ANGPTL1: variants seen among roughly 807,000 people sequenced by gnomAD.
ANGPTL1 encodes the protein angiopoietin like 1, also known as angiopoietin-related protein 1.
ANGPTL1 carries 36 observed loss-of-function variants against 46.7 expected under a neutral mutation model. That is an observed-to-expected ratio of 0.77 (90% CI 0.59 to 1.02). ANGPTL1 has a LOEUF of 1.02. Among genes scored for constraint, ANGPTL1 ranks in the 50% least tolerant of loss-of-function variants. The pLI is 0.00. For missense variants in ANGPTL1, 571 were observed against 594.7 expected (o/e 0.96, Z 0.41); for synonymous variants, 221 against 204.3 (o/e 1.08, Z -0.69).
intron 3 of ANGPTL1, among the ~76,000 whole-genome samples, chr1:178,862,828 G>T (rs1255351731): frequency 6.6e-6 from 1 of 152,074 alleles, no homozygotes; most frequent in African/African-American, 2.4e-5. Flanking sequence ...TAAGCAAATT[G>T]GACTTTTTCT....
intron 2 of ANGPTL1, among the ~76,000 whole-genome samples, 188 bp downstream of exon 2, chr1:178,868,926 A>G (rs1442620455): frequency 1.3e-5 from 2 of 152,054 alleles, no homozygotes; most frequent in South Asian, 2.1e-4. Flanking sequence ...AGGAGTAAAG[A>G]ACTGGTTTTA....
At chr1:178,856,491 G>A (rs1572409647) in intron 3 of ANGPTL1, among the ~76,000 whole-genome samples, 1 of 134,956 alleles carries the variant, frequency 7.4e-6, no homozygotes, top group East Asian at 2.2e-4. Flanking sequence ...GTGAACTCCA[G>A]GTCTCAAGTC....
At chr1:178,860,878 G>C (rs144932007) in intron 3 of ANGPTL1, among the ~76,000 whole-genome samples, 483 of 152,236 alleles carry the variant, frequency 3.2e-3, no homozygotes, top group African/African-American at 0.01. Flanking sequence ...TTTTGTGCAA[G>C]CACCTAAACA....
chr1:178,863,877 G>A (rs1374815864), intron 3 of ANGPTL1, among the ~76,000 whole-genome samples: 1 of 152,176 alleles, frequency 6.6e-6, no homozygotes, highest in African/African-American at 2.4e-5. Context: ...ACCACTTCAT[G>A]ATATATTTCT....
intron 5 of ANGPTL1, among the ~76,000 whole-genome samples, chr1:178,852,334 G>A (rs1657226358): frequency 6.6e-6 from 1 of 152,148 alleles, no homozygotes; most frequent in Non-Finnish European, 1.5e-5. Context: ...CGGGAACTTT[G>A]TTCACTGTTA....
chr1:178,853,782 A>G lies in ANGPTL1; in HGVS notation c.829T>C (p.Phe277Leu), dbSNP rs1288665789. ...PPVTFINEGP[F>L]KDCQQAKEAG... ...TCTTTTGCTTGCTGACAGTCTTTGA[A>G]TGGTCCTATAATTTAAATATCATTT... Residue 277 changes from phenylalanine to leucine, a missense_variant, in exon 4 of 6, where the codon TTC becomes CTC. By Grantham distance (22) the Phe-to-Leu change is conservative. Transcript: ENST00000234816. 4 of 1,597,492 alleles carry G rather than the reference A, an allele frequency of 2.5e-6. No homozygotes were observed. Among genetic ancestry groups the G allele is most frequent in the East Asian group, 2.3e-5 (1 of 44,278 alleles).
intron 1 of ANGPTL1, among the ~76,000 whole-genome samples, chr1:178,870,257 T>C (rs1658669391): frequency 6.6e-6 from 1 of 152,168 alleles, no homozygotes; most frequent in Non-Finnish European, 1.5e-5. Flanking sequence ...TTTCAACTAT[T>C]TTTGTATCTT....
intron 3 of ANGPTL1, among the ~76,000 whole-genome samples, chr1:178,856,408 T>TGTTGTTG (rs1183561834): frequency 9.4e-6 from 1 of 106,530 alleles, no homozygotes; most frequent in African/African-American, 4.1e-5. Context: ...TTTTTTTTTT[T>TGTTGTTG]TTTTTTTTTT....
At position 178,865,393 on chromosome 1, in the gene ANGPTL1, A is replaced by G; in HGVS notation, c.384T>C (p.Ser128=). 6.2e-7 allele frequency: 1 copy of G among 1,614,092 alleles called. No individual in the cohort carries two copies. Among genetic ancestry groups the G allele is most frequent in the Non-Finnish European group, 8.5e-7 (1 of 1,180,004 alleles). Residue 128 remains serine (S), a synonymous_variant, in exon 3 of 6, where the codon TCT becomes TCC. Coordinates refer to ENST00000234816, the MANE Select transcript of ANGPTL1 (RefSeq NM_004673.4). ...ATTGCATATAGAGTTGAGTAACACG[A>G]GAGTTCATGTTACGGCTTTCCTTTC... ...LLRKESRNMN[S]RVTQLYMQLL...
At chr1:178,869,555 A>G (rs2102347781) in intron 1 of ANGPTL1, among the ~76,000 whole-genome samples, 1 of 152,226 alleles carries the variant, frequency 6.6e-6, no homozygotes, top group East Asian at 1.9e-4. Flanking sequence ...AGCATGCAAC[A>G]ACAAAAAAGA....
At chr1:178,859,079 G>A (rs530495052) in intron 3 of ANGPTL1, among the ~76,000 whole-genome samples, 1 of 152,204 alleles carries the variant, frequency 6.6e-6, no homozygotes, top group East Asian at 1.9e-4. Flanking sequence ...GGGTCTTTCT[G>A]TAATAATATG....
At chr1:178,867,760 C>T (rs1047081614) in intron 2 of ANGPTL1, among the ~76,000 whole-genome samples, 1 of 151,624 alleles carries the variant, frequency 6.6e-6, no homozygotes, top group Admixed American at 6.6e-5. Flanking sequence ...AATTTCTTTC[C>T]TTCTGTATGT....
At chr1:178,853,903 A>T in intron 3 of ANGPTL1, 116 bp from the exon 4 acceptor site, 1 of 607,424 alleles carries the variant, frequency 1.6e-6, no homozygotes, top group Non-Finnish European at 2.6e-6. Flanking sequence ...ATTGTTTATC[A>T]TATATACAAT....
intron 2 of ANGPTL1, among the ~76,000 whole-genome samples, chr1:178,868,595 C>T (rs541297664): frequency 6.6e-6 from 1 of 151,826 alleles, no homozygotes; most frequent in Non-Finnish European, 1.5e-5. Flanking sequence ...GCGCATCATC[C>T]AAGACTGCTG....
In ANGPTL1 at chr1:178,851,315, TC is replaced by T. The variant is rs1657160313; in HGVS notation, c.1289del (p.Gly430GlufsTer21). ...TLDRDKDMYAGNCAHFHKGGW... is the reference protein window; with the variant it reads ...TLDRDKDMYAXNCAHFHKGGW... ...CTCCTTTATGAAAGTGGGCGCAGTT[TC>T]CTTTGAGGAAAAAATACAGATATAA... On this transcript the variant is annotated frameshift_variant and splice_region_variant, in exon 6 of 6. Coordinates refer to ENST00000234816, the MANE Select transcript of ANGPTL1 (RefSeq NM_004673.4). LOFTEE classifies it high-confidence loss of function. 1.9e-6 allele frequency: 3 copies of T among 1,604,200 alleles called. No individual in the cohort carries two copies. The highest frequency in any genetic ancestry group is 2.6e-6 in the Non-Finnish European group (3 of 1,176,208).
In ANGPTL1 at chr1:178,865,487, C is replaced by T. The variant is rs199755875; in HGVS notation, c.290G>A (p.Arg97Gln). Residue 97 changes from arginine (R) to glutamine (Q), a missense_variant, in exon 3 of 6, where the codon CGG becomes CAG. By Grantham distance (43) the Arg-to-Gln change is conservative. Coordinates refer to ENST00000234816, the MANE Select transcript of ANGPTL1 (RefSeq NM_004673.4). ...NLKDVLSRQK[R>Q]EIDVLQLVVD... ...CACCAGTTGCAGAACATCTATCTCC[C>T]GCTTCTGCCTGGAGAGCACATCCTT... is the stretch of plus-strand genomic sequence containing the variant. 1.5e-5 allele frequency: 25 copies of T among 1,613,934 alleles called. No homozygotes were observed. Among genetic ancestry groups the T allele is most frequent in the Middle Eastern group, 1.6e-4 (1 of 6,084 alleles).
intron 3 of ANGPTL1, among the ~76,000 whole-genome samples, chr1:178,861,390 TAA>T (rs755295346): frequency 9.2e-5 from 14 of 152,044 alleles, no homozygotes; most frequent in Admixed American, 6.6e-4. Context: ...AAAATGTGTT[TAA>T]GAGGACTTTT....
intron 3 of ANGPTL1, among the ~76,000 whole-genome samples, chr1:178,854,020 T>C (rs1352992333): frequency 6.6e-6 from 1 of 152,124 alleles, no homozygotes; most frequent in African/African-American, 2.4e-5. Context: ...TTTTTTATAT[T>C]GTTATAATCC....
intron 3 of ANGPTL1, among the ~76,000 whole-genome samples, chr1:178,862,073 A>G (rs1658056763): frequency 1.3e-5 from 2 of 152,014 alleles, no homozygotes; most frequent in South Asian, 2.1e-4. Context: ...GGGTTTCACC[A>G]TGTTGGCCAG....
Sources: gnomAD v4.1 joint callset for allele counts (sites outside exome capture counted in the v4.1 genomes callset) on GRCh38, gnomAD v4.1.1 for gene constraint, MANE v1.5 for transcripts, NCBI Gene and HGNC (gene_info 2026-07-23, HGNC 2026-07-21) for gene names.